Variants in AHSA1 observed in about 807,000 individuals in gnomAD.
The protein encoded by AHSA1 is activator of HSP90 ATPase activity 1, also known as activator of 90 kDa heat shock protein ATPase homolog 1.
AHSA1 carries 14 observed loss-of-function variants against 46.1 expected under a neutral mutation model. That is an observed-to-expected ratio of 0.30 (90% CI 0.20 to 0.47). The LOEUF is 0.47. Ranked by LOEUF, AHSA1 falls within the 20% of genes least tolerant of loss-of-function variation. The pLI is 0.99. For missense variants in AHSA1, 333 were observed against 415.9 expected (o/e 0.80, Z 1.73); for synonymous variants, 147 against 145.8 (o/e 1.01, Z -0.06).
At chr14:77,461,109 G>T (rs34646707) in intron 2 of AHSA1, among the ~76,000 whole-genome samples, 16,575 of 151,670 alleles carry the variant, frequency 0.11, 1,088 homozygotes, top group Middle Eastern at 0.31. Flanking sequence ...CAGTGAGCTG[G>T]GATCGCACCG....
At position 77,458,340 on chromosome 14, in the gene AHSA1, C is replaced by G. The variant is rs1566744757; in HGVS notation, c.80+71C>G. Reference sequence around the variant, plus strand: ...GCCAGGGTTTCAGGGTTCCTAGAACCTCGGCCCGGACAGAGCTGGGGCTGA... The same window carrying G: ...GCCAGGGTTTCAGGGTTCCTAGAACGTCGGCCCGGACAGAGCTGGGGCTGA... On this transcript the variant is annotated intron_variant, in intron 1 of 8. Transcript: ENST00000216479. The G allele has an allele frequency of 2.0e-6, 3 of 1,487,064 alleles. No individual in the cohort carries two copies. In the East Asian group the frequency reaches 7.8e-5, roughly 39 times the overall value. 92.1% of individuals were successfully genotyped at this position (1,487,064 alleles called of 1,614,324 possible).
chr14:77,461,716 G>A (rs996962629), intron 2 of AHSA1, among the ~76,000 whole-genome samples: 8 of 152,228 alleles, frequency 5.3e-5, no homozygotes, highest in African/African-American at 1.9e-4. Context: ...TATGTATCCT[G>A]TGTAGCTGGG....
At position 77,458,108 on chromosome 14, in the gene AHSA1, C is replaced by G. The variant is rs1056917113; in HGVS notation, c.-82C>G. 2.3e-5 allele frequency: 30 copies of G among 1,297,164 alleles called. No individual in the cohort carries two copies. The highest frequency in any genetic ancestry group is 4.8e-5 in the South Asian group (3 of 62,624). The allele number at this position is 1,297,164 out of a possible 1,614,324, so 80.4% of individuals were successfully genotyped here. A position where few individuals can be genotyped will look rare whatever the true frequency, so the allele number is the denominator to read the frequency against. On this transcript the variant is annotated 5_prime_UTR_variant, in exon 1 of 9. Coordinates refer to ENST00000216479, the MANE Select transcript of AHSA1 (RefSeq NM_012111.3). The stretch of plus-strand genomic sequence containing the variant: ...GGCCGCTTCTAGTAGTTTCCAGGCG[C>G]TGCCGGGCGGCTGGCACTAAGCGGT...
chr14:77,458,560 G>A (rs561112991), intron 1 of AHSA1, among the ~76,000 whole-genome samples: 5 of 152,266 alleles, frequency 3.3e-5, no homozygotes, highest in Non-Finnish European at 5.9e-5. Flanking sequence ...GAGCAGGGAG[G>A]TGCTTATTAC....
At chr14:77,461,113 C>T (rs372824528) in intron 2 of AHSA1, among the ~76,000 whole-genome samples, 51 of 151,888 alleles carry the variant, frequency 3.4e-4, no homozygotes, top group South Asian at 4.1e-4. Flanking sequence ...GAGCTGGGAT[C>T]GCACCGTTGC....
intron 6 of AHSA1, 145 bp downstream of exon 6, chr14:77,465,812 C>T (rs937563694): frequency 1.2e-6 from 1 of 817,864 alleles, no homozygotes; most frequent in African/African-American, 1.8e-5. Flanking sequence ...GTGAATTTTT[C>T]CCTCCCTCTA....
In AHSA1 at chr14:77,468,063, T is replaced by TC; in HGVS notation, c.691-20_691-19insC. ...GTATCTTCTGCCTCTTTTTTTTTTT[T>TC]TTTTTTTTTTTCCCTGCAGCTGGTG... On this transcript the variant is annotated intron_variant, in intron 6 of 8. Transcript: ENST00000216479. 2.2e-6 allele frequency: 3 copies of TC among 1,345,308 alleles called. No individual in the cohort carries two copies. Among genetic ancestry groups the TC allele is most frequent in the Non-Finnish European group, 2.9e-6 (3 of 1,024,898 alleles). The allele number at this position is 1,345,308 out of a possible 1,614,324, so 83.3% of individuals were successfully genotyped here.
At chr14:77,464,384 T>A (rs1244797517) in intron 4 of AHSA1, among the ~76,000 whole-genome samples, 8 of 151,724 alleles carry the variant, frequency 5.3e-5, no homozygotes, top group South Asian at 2.1e-4. Context: ...AAAAAAAAAA[T>A]AATAATAATC....
Position 77,464,682 on chromosome 14 carries a change from G to T in AHSA1, c.557G>T (p.Arg186Leu), listed in dbSNP as rs757768035. 7.4e-6 allele frequency: 12 copies of T among 1,612,916 alleles called. No individual in the cohort carries two copies. Among genetic ancestry groups the T allele is most frequent in the Non-Finnish European group, 1.0e-5 (12 of 1,179,796 alleles). Residue 186 changes from arginine (R) to leucine (L), a missense_variant, in exon 5 of 9, where the codon CGC becomes CTC. Coordinates refer to ENST00000216479, the MANE Select transcript of AHSA1 (RefSeq NM_012111.3). ...CAGCCAGCACTGAAAACTGAGGAGC[G>T]CAAGGTAAATGGTTTTCCTGGGGTG... Reference protein sequence around the residue: ...VGQPALKTEERKAKPAPSKTQ... With the variant: ...VGQPALKTEELKAKPAPSKTQ...
Position 77,459,607 on chromosome 14 carries a change from G to C in AHSA1, c.81-9G>C, listed in dbSNP as rs763452904. ...ACTGCTGGTTCATAGCTCTGTTTCT[G>C]CTTTGCAGGACGGAGAGAGATGCTT... On this transcript the variant is annotated splice_polypyrimidine_tract_variant and intron_variant, in intron 1 of 8. Transcript: ENST00000216479. 16 of 1,613,978 alleles carry C rather than the reference G, an allele frequency of 9.9e-6. No homozygotes were observed. The South Asian group carries it at 1.5e-4, about 16-fold the overall frequency.
intron 2 of AHSA1, among the ~76,000 whole-genome samples, chr14:77,461,852 A>C (rs908191471): frequency 1.3e-5 from 2 of 152,238 alleles, no homozygotes; most frequent in African/African-American, 4.8e-5. Flanking sequence ...TGATATTTTC[A>C]AAACAAGTAT....
At chr14:77,460,457 TAAAG>T (rs1222221181) in intron 2 of AHSA1, among the ~76,000 whole-genome samples, 1 of 99,090 alleles carries the variant, frequency 1.0e-5, no homozygotes, top group Non-Finnish European at 2.3e-5. Flanking sequence ...AGTCATATCA[TAAAG>T]AAGGGTGCAA....
Position 77,468,125 on chromosome 14 carries a change from G to A in AHSA1, c.733G>A (p.Asp245Asn). 6.5e-7 allele frequency: 1 copy of A among 1,548,918 alleles called. No homozygotes were observed. The highest frequency in any genetic ancestry group is 8.7e-7 in the Non-Finnish European group (1 of 1,147,018). ...CCATGCTCCTGCAACATTAGAAGCA[G>A]ACAGAGGTGGAAAGTTCCACATGGT... ...FTHAPATLEA[D>N]RGGKFHMVDG... Residue 245 changes from aspartate to asparagine, a missense_variant, in exon 7 of 9, where the codon GAC becomes AAC. Coordinates refer to ENST00000216479, the MANE Select transcript of AHSA1 (RefSeq NM_012111.3).
At chr14:77,462,072 C>T in intron 2 of AHSA1, 88 bp from the exon 3 acceptor site, 1 of 923,902 alleles carries the variant, frequency 1.1e-6, no homozygotes, top group Non-Finnish European at 1.7e-6. Context: ...CATCCAAAAG[C>T]AGCAGAAGTG....
At chr14:77,465,725 TG>T in intron 6 of AHSA1, 58 bp downstream of exon 6, 2 of 1,580,522 alleles carry the variant, frequency 1.3e-6, no homozygotes, top group Non-Finnish European at 1.7e-6. Flanking sequence ...TGACTTGAGT[TG>T]GGGGCATATC....
At chr14:77,462,449 A>G (rs912408120) in intron 3 of AHSA1, 193 bp from the exon 4 acceptor site, 4 of 717,438 alleles carry the variant, frequency 5.6e-6, no homozygotes, top group Non-Finnish European at 9.5e-6. Context: ...AGCTAGTGAC[A>G]TGGGTTCTAA....
chr14:77,462,283 T>G lies in AHSA1; in HGVS notation c.354+41T>G, dbSNP rs75677883. The G allele has an allele frequency of 5.3e-3, 8,293 of 1,557,472 alleles. 388 individuals are homozygous for G. In the African/African-American group the frequency reaches 0.098, roughly 18 times the overall value. ...CTCCTAATCCGAGTCCTCTATATCC[T>G]CTTATTCTCAGATGAGAAAAGTGAC... is the stretch of plus-strand genomic sequence containing the variant. On this transcript the variant is annotated intron_variant, in intron 3 of 8. Transcript: ENST00000216479.
chr14:77,468,074 TCCCTGCAGC>T lies in AHSA1; in HGVS notation c.691-8_691del. 1 of 1,303,068 alleles carries T rather than the reference TCCCTGCAGC, an allele frequency of 7.7e-7. No homozygotes were observed. The highest frequency in any genetic ancestry group is 1.6e-5 in the African/African-American group (1 of 63,450). 80.7% of individuals were successfully genotyped at this position (1,303,068 alleles called of 1,614,324 possible). The stretch of plus-strand genomic sequence containing the variant: ...CTCTTTTTTTTTTTTTTTTTTTTTT[TCCCTGCAGC>T]TGGTGCAGGCCTTTACCCATGCTCC... On this transcript the variant is annotated splice_acceptor_variant and splice_polypyrimidine_tract_variant and coding_sequence_variant and intron_variant, in exon 7 of 9. Coordinates refer to ENST00000216479, the MANE Select transcript of AHSA1 (RefSeq NM_012111.3). LOFTEE classifies it high-confidence loss of function.
intron 6 of AHSA1, chr14:77,466,219 T>C (rs1030262438): frequency 6.6e-5 from 10 of 152,618 alleles, no homozygotes; most frequent in Non-Finnish European, 1.2e-4. Flanking sequence ...CAAGCGATCC[T>C]CCTTCCTCAG....
Sources: gnomAD v4.1 joint callset for allele counts (sites outside exome capture counted in the v4.1 genomes callset) on GRCh38, gnomAD v4.1.1 for gene constraint, MANE v1.5 for transcripts, NCBI Gene and HGNC (gene_info 2026-07-23, HGNC 2026-07-21) for gene names.